Variants in DLG2 observed in about 807,000 individuals in gnomAD.
DLG2 encodes disks large homolog 2.
In DLG2, 45 loss-of-function variants were observed where a neutral mutation model predicts 132.5. That is an observed-to-expected ratio of 0.34 (90% CI 0.27 to 0.44). DLG2 has a LOEUF of 0.44. Ranked by LOEUF, DLG2 falls within the 20% of genes least tolerant of loss-of-function variation. DLG2 has a pLI of 1.00. For missense variants in DLG2, 1,045 were observed against 1,196.9 expected, an observed-to-expected ratio of 0.87 and a Z score of 1.87; for synonymous variants, 424 against 419.6, an observed-to-expected ratio of 1.01 and a Z score of -0.13.
intron 7 of DLG2, among the ~76,000 whole-genome samples, chr11:84,313,566 A>AGGC (rs58396729): frequency 8.3e-6 from 1 of 119,958 alleles, no homozygotes; most frequent in Non-Finnish European, 1.7e-5. Context: ...GGGAGGGAGG[A>AGGC]GAGAGAGAGA....
intron 4 of DLG2, among the ~76,000 whole-genome samples, chr11:85,253,524 A>G (rs996977830): frequency 6.6e-6 from 1 of 152,138 alleles, no homozygotes; most frequent in Non-Finnish European, 1.5e-5. Context: ...GGGCACCGAC[A>G]AGAGCGAACT....
chr11:84,401,198 C>T (rs1033976229), intron 7 of DLG2, among the ~76,000 whole-genome samples: 5 of 152,092 alleles, frequency 3.3e-5, no homozygotes, highest in Non-Finnish European at 5.9e-5. Flanking sequence ...AGACCAGCTT[C>T]CCCCATAGAA....
chr11:84,358,600 C>G (rs1168027328), intron 7 of DLG2, among the ~76,000 whole-genome samples: 1 of 151,696 alleles, frequency 6.6e-6, no homozygotes, highest in East Asian at 1.9e-4. Context: ...ATTAACCACC[C>G]AGGAACAAAG....
chr11:84,702,309 C>T (rs1446514243), intron 6 of DLG2, among the ~76,000 whole-genome samples: 1 of 151,580 alleles, frequency 6.6e-6, no homozygotes, highest in Non-Finnish European at 1.5e-5. Flanking sequence ...AAATCTGTAG[C>T]TACAGCTTTA....
At chr11:84,542,482 C>A (rs1301005174) in intron 6 of DLG2, among the ~76,000 whole-genome samples, 1 of 152,034 alleles carries the variant, frequency 6.6e-6, no homozygotes, top group Non-Finnish European at 1.5e-5. Context: ...GGGTAAGAAC[C>A]CTGACATGTA....
chr11:84,295,380 G>A (rs1470726176), intron 7 of DLG2, among the ~76,000 whole-genome samples: 1 of 152,100 alleles, frequency 6.6e-6, no homozygotes, highest in Non-Finnish European at 1.5e-5. Context: ...AAAGCACATG[G>A]CATTATCAAA....
At chr11:84,765,256 T>C (rs911906891) in intron 6 of DLG2, among the ~76,000 whole-genome samples, 1 of 152,078 alleles carries the variant, frequency 6.6e-6, no homozygotes, top group Non-Finnish European at 1.5e-5. Context: ...AATTATATAG[T>C]CCCTGTTTCT....
At chr11:83,592,365 C>G (rs1356547622) in intron 19 of DLG2, among the ~76,000 whole-genome samples, 1 of 146,762 alleles carries the variant, frequency 6.8e-6, no homozygotes, top group African/African-American at 2.5e-5. Flanking sequence ...TGATCTTTGA[C>G]AAACCTGAGA....
intron 7 of DLG2, among the ~76,000 whole-genome samples, chr11:84,444,834 C>T (rs1310300205): frequency 2.1e-5 from 3 of 146,328 alleles, no homozygotes; most frequent in African/African-American, 7.6e-5. Flanking sequence ...GACAGAGTTT[C>T]ACTCTTGTCG....
chr11:85,384,444 C>G (rs1204960931), intron 3 of DLG2, among the ~76,000 whole-genome samples: 1 of 152,146 alleles, frequency 6.6e-6, no homozygotes, highest in Non-Finnish European at 1.5e-5. Context: ...AATTGGAACT[C>G]ATATCAAAAA....
At chr11:84,232,717 C>A (rs747089868) in intron 8 of DLG2, among the ~76,000 whole-genome samples, 21 of 152,268 alleles carry the variant, frequency 1.4e-4, no homozygotes, top group Admixed American at 3.3e-4. Flanking sequence ...CATGCTGGCA[C>A]CCTGATCTCA....
At chr11:84,216,459 A>C (rs973054606) in intron 8 of DLG2, among the ~76,000 whole-genome samples, 1 of 152,218 alleles carries the variant, frequency 6.6e-6, no homozygotes, top group Non-Finnish European at 1.5e-5. Context: ...GGAATCTTTA[A>C]GCCTAATATT....
intron 6 of DLG2, among the ~76,000 whole-genome samples, chr11:84,999,813 C>T (rs910574504): frequency 6.6e-6 from 1 of 151,992 alleles, no homozygotes; most frequent in Non-Finnish European, 1.5e-5. Context: ...AAAACTCTTG[C>T]CTGGGGCTGA....
chr11:84,585,876 C>T (rs543443885), intron 6 of DLG2, among the ~76,000 whole-genome samples: 15 of 152,274 alleles, frequency 9.9e-5, no homozygotes, highest in African/African-American at 2.9e-4. Flanking sequence ...ATAGCGTTAA[C>T]GCTGTGGGCT....
intron 8 of DLG2, among the ~76,000 whole-genome samples, chr11:84,190,757 AC>A (rs2034309200): frequency 6.6e-6 from 1 of 152,134 alleles, no homozygotes; most frequent in African/African-American, 2.4e-5. Context: ...TAGTTAAGTG[AC>A]CTTTTGGCCA....
At chr11:84,970,006 G>A (rs117987303) in intron 6 of DLG2, among the ~76,000 whole-genome samples, 2,979 of 152,082 alleles carry the variant, frequency 0.02, 54 homozygotes, top group Admixed American at 0.042. Context: ...ATCACATAAC[G>A]GGGCCTTTTG....
intron 19 of DLG2, among the ~76,000 whole-genome samples, chr11:83,587,945 AT>A (rs1282759118): frequency 6.6e-6 from 1 of 152,194 alleles, no homozygotes; most frequent in Non-Finnish European, 1.5e-5. Context: ...GGCTTAAAAA[AT>A]GGCGCACCAC....
intron 9 of DLG2, among the ~76,000 whole-genome samples, chr11:84,127,616 G>A (rs58773272): frequency 0.086 from 13,038 of 151,954 alleles, 699 homozygotes; most frequent in African/African-American, 0.15. Context: ...CCTTTTTTCT[G>A]TACAGACAAG....
intron 11 of DLG2, among the ~76,000 whole-genome samples, chr11:83,984,813 A>T (rs1465856772): frequency 2.0e-5 from 3 of 152,130 alleles, no homozygotes; most frequent in African/African-American, 7.2e-5. Flanking sequence ...TACCTTAAAC[A>T]TTTATCATTT....
Sources: allele counts gnomAD v4.1 joint callset (sites outside exome capture counted in the v4.1 genomes callset), GRCh38; gene constraint gnomAD v4.1.1; transcripts MANE v1.5; gene names NCBI Gene and HGNC (gene_info 2026-07-23, HGNC 2026-07-21).